Variants in SLC22A24 observed in about 807,000 individuals in gnomAD.
The protein encoded by SLC22A24 is solute carrier family 22 member 24.
In SLC22A24, 53 loss-of-function variants were observed where a neutral mutation model predicts 49.8. That is an observed-to-expected ratio of 1.06 (90% CI 0.85 to 1.34). The LOEUF (loss-of-function observed/expected upper bound fraction) is 1.34. Ranked by LOEUF, SLC22A24 falls within the 40% of genes most tolerant of loss-of-function variation. The pLI is 0.00. For synonymous variants in SLC22A24, 302 were observed against 256.4 expected (o/e 1.18, Z -1.70); for missense variants, 786 against 675.9 (o/e 1.16, Z -1.81).
intron 4 of SLC22A24, among the ~76,000 whole-genome samples, chr11:63,111,378 A>G (rs1437396831): frequency 6.6e-6 from 1 of 151,612 alleles, no homozygotes; most frequent in Admixed American, 6.6e-5. Flanking sequence ...TGAGTTAGGG[A>G]GGATTCCTTC....
chr11:63,104,262 G>A lies in SLC22A24; in HGVS notation c.867C>T (p.Asn289=). The change falls in exon 5 of 10, where the codon AAC becomes AAT. Residue 289 remains asparagine (N), a synonymous_variant. Transcript: ENST00000612278. ...MVESARWLII[N]NQLDEGLKEL... Reference sequence around the variant, plus strand: ...CCTTTAAGCCCTCATCTAGCTGATTGTTGATAATCAGCCACCGAGCAGACT... The same window carrying A: ...CCTTTAAGCCCTCATCTAGCTGATTATTGATAATCAGCCACCGAGCAGACT... 1.3e-6 allele frequency: 2 copies of A among 1,550,040 alleles called. No homozygotes were observed. Among genetic ancestry groups the A allele is most frequent in the Non-Finnish European group, 1.7e-6 (2 of 1,146,536 alleles).
At chr11:63,081,476 A>AGT in intron 8 of SLC22A24, 82 bp downstream of exon 8, 1 of 937,184 alleles carries the variant, frequency 1.1e-6, no homozygotes, top group Non-Finnish European at 1.7e-6. Context: ...GCACCTAAAC[A>AGT]GTGTCAGTCT....
At chr11:63,132,905 C>T (rs2087347145) in intron 2 of SLC22A24, among the ~76,000 whole-genome samples, 1 of 152,186 alleles carries the variant, frequency 6.6e-6, no homozygotes, top group Non-Finnish European at 1.5e-5. Flanking sequence ...ATGCCCTGCC[C>T]CCAGAGGTGG....
chr11:63,126,234 A>G (rs978477617), intron 2 of SLC22A24, among the ~76,000 whole-genome samples: 3 of 152,168 alleles, frequency 2.0e-5, no homozygotes, highest in African/African-American at 7.2e-5. Flanking sequence ...GTCTTTGCCC[A>G]TGCCTATGAC....
chr11:63,096,807 G>T (rs758901933), intron 5 of SLC22A24, among the ~76,000 whole-genome samples: 53 of 152,160 alleles, frequency 3.5e-4, no homozygotes, highest in Admixed American at 3.2e-3. Context: ...GAAAGGAGAT[G>T]GTTTTAGGCT....
At chr11:63,108,253 C>G (rs1182961165) in intron 4 of SLC22A24, among the ~76,000 whole-genome samples, 1 of 151,146 alleles carries the variant, frequency 6.6e-6, no homozygotes, top group African/African-American at 2.4e-5. Context: ...TTTGCATATG[C>G]CGAACCAGCC....
At chr11:63,080,140 T>C (rs2135188652) in intron 9 of SLC22A24, 140 bp from the exon 10 acceptor site, 1 of 583,882 alleles carries the variant, frequency 1.7e-6, no homozygotes, top group Middle Eastern at 4.6e-4. Context: ...TCTCTAGATA[T>C]TGATACTATT....
rs367892802 is a variant in SLC22A24 at position 63,131,214 on chromosome 11, G to A, written c.506+3451C>T. On this transcript the variant is annotated intron_variant, in intron 2 of 9. Transcript: ENST00000612278. ...CCTGAGTATAGCACACCGATAAAGA[G>A]TCTTGACTCTTTATCCAATTTGCCA... Among the ~76,000 whole-genome samples, 4 of 152,126 alleles carry A rather than the reference G, an allele frequency of 2.6e-5. No individual in the cohort carries two copies. The East Asian group carries it at 7.7e-4, about 29-fold the overall frequency.
chr11:63,081,220 G>T, intron 8 of SLC22A24, 97 bp from the exon 9 acceptor site: 1 of 1,024,876 alleles, frequency 9.8e-7, no homozygotes, highest in Non-Finnish European at 1.4e-6. Context: ...GTACAACAGA[G>T]TTACTAAACA....
At chr11:63,082,747 G>A (rs951316557) in intron 7 of SLC22A24, among the ~76,000 whole-genome samples, 2 of 152,328 alleles carry the variant, frequency 1.3e-5, no homozygotes, top group East Asian at 3.9e-4. Flanking sequence ...AAAAAGTGTT[G>A]CATTTATATG....
At chr11:63,095,586 G>C (rs953890576) in intron 6 of SLC22A24, among the ~76,000 whole-genome samples, 2 of 152,178 alleles carry the variant, frequency 1.3e-5, no homozygotes, top group South Asian at 4.1e-4. Context: ...AGATGATTCA[G>C]GATGCTGAAA....
intron 6 of SLC22A24, among the ~76,000 whole-genome samples, chr11:63,095,109 T>G (rs1435617234): frequency 6.6e-6 from 1 of 152,196 alleles, no homozygotes; most frequent in African/African-American, 2.4e-5. Context: ...GTTTTTATGG[T>G]TTTAGGTCTA....
chr11:63,080,108 C>T, intron 9 of SLC22A24, 108 bp from the exon 10 acceptor site: 2 of 668,830 alleles, frequency 3.0e-6, no homozygotes, highest in South Asian at 4.0e-5. Flanking sequence ...GCCCTCTACC[C>T]ACCAGCATTG....
Position 63,081,015 on chromosome 11 carries a change from A to T in SLC22A24, c.1503T>A (p.Tyr501Ter), listed in dbSNP as rs11231341. The change falls in exon 9 of 10, where the codon TAT becomes TAA. Residue 501 changes from tyrosine to a stop codon, truncating the protein, a stop_gained. Transcript: ENST00000612278. LOFTEE classifies it high-confidence loss of function. ...AYSPHLPWIS[Y>*]GVFPILAVPV... ...GGACAGCAAGGATGGGGAAGACTCC[A>T]TAGGAAATCCAGGGTAGGTGGGGAG... The T allele has an allele frequency of 6.4e-7, 1 of 1,551,278 alleles. No individual in the cohort carries two copies. The highest frequency in any genetic ancestry group is 2.0e-5 in the Admixed American group (1 of 50,972).
At chr11:63,114,107 C>T (rs1169261264) in intron 4 of SLC22A24, among the ~76,000 whole-genome samples, 1 of 152,068 alleles carries the variant, frequency 6.6e-6, no homozygotes, top group Non-Finnish European at 1.5e-5. Context: ...TGAATGTTGG[C>T]CCTCCTTTCT....
chr11:63,120,154 T>A (rs1417770357), intron 2 of SLC22A24, among the ~76,000 whole-genome samples: 2 of 151,458 alleles, frequency 1.3e-5, no homozygotes, highest in Non-Finnish European at 2.9e-5. Context: ...TTTTGGCTTT[T>A]GTTGCCATTG....
intron 9 of SLC22A24, 88 bp downstream of exon 9, chr11:63,080,832 G>A (rs2086955071): frequency 5.3e-6 from 6 of 1,139,112 alleles, no homozygotes; most frequent in Non-Finnish European, 7.6e-6. Flanking sequence ...AAGGACAGAG[G>A]GCCCCAAATG....
At chr11:63,115,406 C>G (rs2087205340) in intron 4 of SLC22A24, among the ~76,000 whole-genome samples, 1 of 152,202 alleles carries the variant, frequency 6.6e-6, no homozygotes. Context: ...CTGCTGGTTG[C>G]TAAGACCTTG....
At chr11:63,130,803 G>T (rs1003898525) in intron 2 of SLC22A24, among the ~76,000 whole-genome samples, 1 of 151,996 alleles carries the variant, frequency 6.6e-6, no homozygotes, top group African/African-American at 2.4e-5. Flanking sequence ...TTGTATTTCT[G>T]TGGGATCAGT....
Sources: allele counts gnomAD v4.1 joint callset (sites outside exome capture counted in the v4.1 genomes callset), GRCh38; gene constraint gnomAD v4.1.1; transcripts MANE v1.5; gene names NCBI Gene and HGNC (gene_info 2026-07-23, HGNC 2026-07-21).